PTPRD: variants seen among roughly 807,000 people sequenced by gnomAD.
The protein encoded by PTPRD is protein tyrosine phosphatase receptor type D.
PTPRD carries 34 observed loss-of-function variants against 214.5 expected under a neutral mutation model. That is an observed-to-expected ratio of 0.16 (90% CI 0.12 to 0.21). The LOEUF (loss-of-function observed/expected upper bound fraction) is 0.21. PTPRD is among the 10% of genes least tolerant of loss of function. The probability of loss-of-function intolerance (pLI) is 1.00; values close to 1 mark genes in which losing one functional copy is unlikely to be tolerated. For synonymous variants in PTPRD, 1,128 were observed against 845.7 expected, an observed-to-expected ratio of 1.33 and a Z score of -5.79; for missense variants, 2,545 against 2,398.7, an observed-to-expected ratio of 1.06 and a Z score of -1.27.
At chr9:10,164,289 C>G (rs1371303205) in intron 3 of PTPRD, among the ~76,000 whole-genome samples, 3 of 151,550 alleles carry the variant, frequency 2.0e-5, no homozygotes, top group Non-Finnish European at 4.4e-5. Flanking sequence ...AGATTACACA[C>G]TTTCAAAATA....
intron 5 of PTPRD, among the ~76,000 whole-genome samples, chr9:9,778,080 T>G (rs933739415): frequency 6.6e-6 from 1 of 152,118 alleles, no homozygotes; most frequent in African/African-American, 2.4e-5. Flanking sequence ...GACACTCCCA[T>G]TGAGAGAGAT....
chr9:9,478,387 A>T (rs2095219552), intron 8 of PTPRD, among the ~76,000 whole-genome samples: 1 of 152,206 alleles, frequency 6.6e-6, no homozygotes, highest in South Asian at 2.1e-4. Flanking sequence ...TAACAATAGT[A>T]AAAATAAAAA....
chr9:9,090,817 C>G (rs2099774427), intron 10 of PTPRD: 3 of 723,452 alleles, frequency 4.1e-6, no homozygotes, highest in South Asian at 1.4e-5. Context: ...TTAATGACAT[C>G]TCAATGATAT....
In PTPRD at chr9:9,567,019, G is replaced by C. The variant is rs117253736; in HGVS notation, c.-237+7713C>G. 6.6e-3 allele frequency among the ~76,000 whole-genome samples: 1,001 copies of C among 152,120 alleles called. 7 individuals carry two copies. The highest frequency in any genetic ancestry group is 0.013 in the Admixed American group (196 of 15,252). The stretch of plus-strand genomic sequence containing the variant: ...AAGTGTGGAAAGTCCATTGCCGAGA[G>C]AGGTCAAGTAGATATAAAAAATATA... On this transcript the variant is annotated intron_variant, in intron 8 of 45. Coordinates refer to ENST00000381196, the MANE Select transcript of PTPRD (RefSeq NM_002839.4).
At chr9:9,038,272 G>C (rs571807400) in intron 10 of PTPRD, among the ~76,000 whole-genome samples, 2 of 152,274 alleles carry the variant, frequency 1.3e-5, no homozygotes, top group South Asian at 4.1e-4. Flanking sequence ...CATGAGCCCA[G>C]ATGGGCAGCT....
At chr9:10,020,418 C>A (rs959718392) in intron 4 of PTPRD, among the ~76,000 whole-genome samples, 1 of 146,042 alleles carries the variant, frequency 6.8e-6, no homozygotes, top group African/African-American at 2.6e-5. Flanking sequence ...TCTCTTGCCT[C>A]AGCCTCCCGA....
At chr9:9,617,191 A>G (rs2094925137) in intron 7 of PTPRD, among the ~76,000 whole-genome samples, 1 of 152,188 alleles carries the variant, frequency 6.6e-6, no homozygotes, top group African/African-American at 2.4e-5. Context: ...GAAATCTTAG[A>G]AATATATATC....
intron 8 of PTPRD, among the ~76,000 whole-genome samples, chr9:9,406,302 C>T (rs904757910): frequency 2.4e-4 from 36 of 151,900 alleles, no homozygotes; most frequent in African/African-American, 8.5e-4. Flanking sequence ...CTGTCTTTCA[C>T]TCTCAATTAG....
chr9:8,327,688 T>C (rs1835361989), intron 44 of PTPRD, among the ~76,000 whole-genome samples: 1 of 152,176 alleles, frequency 6.6e-6, no homozygotes, highest in Non-Finnish European at 1.5e-5. Flanking sequence ...TTTGTAGGTC[T>C]CTAAGAACTT....
intron 11 of PTPRD, among the ~76,000 whole-genome samples, chr9:8,746,197 C>T (rs2092782973): frequency 6.6e-6 from 1 of 152,034 alleles, no homozygotes; most frequent in South Asian, 2.1e-4. Flanking sequence ...CAGAGTTATA[C>T]AGTCTGGTTA....
intron 10 of PTPRD, among the ~76,000 whole-genome samples, chr9:9,081,373 T>C (rs2099758781): frequency 1.3e-5 from 2 of 152,268 alleles, no homozygotes; most frequent in Non-Finnish European, 2.9e-5. Flanking sequence ...TTTGTTATGA[T>C]TTCCATTCTT....
chr9:9,709,782 T>C lies in PTPRD; in HGVS notation c.-287+24751A>G, dbSNP rs557238605. Reference sequence around the variant, plus strand: ...CTAAGTACTGTAATCACCATTGATATAGTAGACGTCATTAAATCATATTTT... The same window carrying C: ...CTAAGTACTGTAATCACCATTGATACAGTAGACGTCATTAAATCATATTTT... On this transcript the variant is annotated intron_variant, in intron 7 of 45. Coordinates refer to ENST00000381196, the MANE Select transcript of PTPRD (RefSeq NM_002839.4). 3.9e-5 allele frequency among the ~76,000 whole-genome samples: 6 copies of C among 152,184 alleles called. No homozygotes were observed. The South Asian group carries it at 1.2e-3, about 32-fold the overall frequency.
At chr9:8,345,215 C>T (rs1404088602) in intron 39 of PTPRD, among the ~76,000 whole-genome samples, 1 of 152,008 alleles carries the variant, frequency 6.6e-6, no homozygotes, top group African/African-American at 2.4e-5. Flanking sequence ...GTGCTTGACA[C>T]CTAAGAAGCA....
intron 10 of PTPRD, among the ~76,000 whole-genome samples, chr9:9,085,811 C>A (rs674362): frequency 0.52 from 79,219 of 151,832 alleles, 21,407 homozygotes; most frequent in Non-Finnish European, 0.59. Flanking sequence ...TACTACCAGA[C>A]CTTTCCAAGC....
At chr9:9,916,161 A>C (rs2080739583) in intron 5 of PTPRD, among the ~76,000 whole-genome samples, 1 of 151,996 alleles carries the variant, frequency 6.6e-6, no homozygotes, top group South Asian at 2.1e-4. Flanking sequence ...GACGAATGAA[A>C]TGTTTCTCAG....
chr9:9,035,741 T>C (rs2099619662), intron 10 of PTPRD, among the ~76,000 whole-genome samples: 2 of 152,162 alleles, frequency 1.3e-5, no homozygotes, highest in Non-Finnish European at 2.9e-5. Context: ...TGCTTGGCTA[T>C]ATAAAAGGGT....
intron 36 of PTPRD, among the ~76,000 whole-genome samples, chr9:8,392,227 A>T (rs926838508): frequency 1.3e-5 from 2 of 152,078 alleles, no homozygotes; most frequent in Non-Finnish European, 2.9e-5. Flanking sequence ...CTACAAAAAA[A>T]TAAAAATAAA....
At chr9:8,448,708 G>C (rs1309665304) in intron 34 of PTPRD, among the ~76,000 whole-genome samples, 2 of 152,098 alleles carry the variant, frequency 1.3e-5, no homozygotes, top group Non-Finnish European at 2.9e-5. Flanking sequence ...TAGTTACTAT[G>C]TTACATCTAC....
chr9:8,845,506 T>A (rs914386062), intron 11 of PTPRD, among the ~76,000 whole-genome samples: 1 of 152,242 alleles, frequency 6.6e-6, no homozygotes, highest in Non-Finnish European at 1.5e-5. Flanking sequence ...CCATCAAATA[T>A]GCCAGCTGTT....
Sources: allele counts gnomAD v4.1 joint callset (sites outside exome capture counted in the v4.1 genomes callset), GRCh38; gene constraint gnomAD v4.1.1; transcripts MANE v1.5; gene names NCBI Gene and HGNC (gene_info 2026-07-23, HGNC 2026-07-21).